NGF: variants seen among roughly 807,000 people sequenced by gnomAD.
The protein encoded by NGF is nerve growth factor.
NGF carries 4 observed loss-of-function variants against 12.8 expected under a neutral mutation model. The ratio of observed to expected loss-of-function variants is 0.31; its 90% CI spans 0.15 to 0.72. NGF has a LOEUF of 0.72. Among genes scored for constraint, NGF ranks in the 30% least tolerant of loss-of-function variants. The pLI is 0.69. For synonymous variants in NGF, 140 were observed against 130.0 expected (o/e 1.08, Z -0.52); for missense variants, 283 against 330.8 (o/e 0.86, Z 1.12).
chr1:115,294,509 C>T (rs889222216), intron 1 of NGF, among the ~76,000 whole-genome samples: 19 of 152,200 alleles, frequency 1.2e-4, no homozygotes, highest in African/African-American at 4.3e-4. Flanking sequence ...CAGCAGTAAA[C>T]AAGACAAACA....
chr1:115,327,443 T>A (rs1424454748), intron 1 of NGF, among the ~76,000 whole-genome samples: 2 of 152,242 alleles, frequency 1.3e-5, no homozygotes, highest in Non-Finnish European at 2.9e-5. Context: ...GCATGAAATC[T>A]GAAGTCAAGC....
At chr1:115,288,183 T>C (rs1454992629) in intron 2 of NGF, among the ~76,000 whole-genome samples, 2 of 152,196 alleles carry the variant, frequency 1.3e-5, no homozygotes, top group Non-Finnish European at 2.9e-5. Context: ...AATAGCGTAA[T>C]TGTATGTGCA....
At chr1:115,293,786 C>T (rs1653779742) in intron 1 of NGF, 36 bp from the exon 2 acceptor site, 1 of 152,724 alleles carries the variant, frequency 6.5e-6, no homozygotes, top group South Asian at 2.1e-4. Flanking sequence ...GACTGTACCT[C>T]ACCACATTCC....
At chr1:115,298,312 T>C (rs894918658) in intron 1 of NGF, among the ~76,000 whole-genome samples, 1 of 151,978 alleles carries the variant, frequency 6.6e-6, no homozygotes, top group Admixed American at 6.5e-5. Flanking sequence ...GTTGATTTTT[T>C]CCCCCCAAAA....
chr1:115,333,179 A>G (rs1654970782), intron 1 of NGF, among the ~76,000 whole-genome samples: 3 of 152,086 alleles, frequency 2.0e-5, no homozygotes, highest in African/African-American at 7.2e-5. Context: ...GACCTATACC[A>G]CCAACTCTGA....
chr1:115,330,257 T>G lies in NGF; in HGVS notation c.-137+7947A>C, dbSNP rs74420468. On this transcript the variant is annotated intron_variant, in intron 1 of 2. Coordinates refer to ENST00000369512, the MANE Select transcript of NGF (RefSeq NM_002506.3). ...AATTACAAATATCTGACAAAGCCATTTGCTTGGAAAAGAGTCAGTCCAGGA... is the reference window on the plus strand; with the variant it reads ...AATTACAAATATCTGACAAAGCCATGTGCTTGGAAAAGAGTCAGTCCAGGA... Among the ~76,000 whole-genome samples, 79 of 152,282 alleles carry G rather than the reference T, an allele frequency of 5.2e-4. 1 individual carries two copies. The East Asian group carries it at 0.015, about 29-fold the overall frequency.
chr1:115,311,881 A>G (rs926102543), intron 1 of NGF, among the ~76,000 whole-genome samples: 3 of 152,208 alleles, frequency 2.0e-5, no homozygotes, highest in Non-Finnish European at 4.4e-5. Flanking sequence ...AGGAAGTTAC[A>G]GTGAAATTGC....
chr1:115,295,165 C>T (rs573352986), intron 1 of NGF, among the ~76,000 whole-genome samples: 4 of 152,286 alleles, frequency 2.6e-5, no homozygotes, highest in South Asian at 2.1e-4. Context: ...AAGCCACCAT[C>T]GCTCCCCAAA....
In NGF at chr1:115,334,350, G is replaced by A. The variant is rs536210575; in HGVS notation, c.-137+3854C>T. Among the ~76,000 whole-genome samples, 16 of 152,284 alleles carry A rather than the reference G, an allele frequency of 1.1e-4. No homozygotes were observed. The East Asian group carries it at 3.1e-3, about 29-fold the overall frequency. On this transcript the variant is annotated intron_variant, in intron 1 of 2. Coordinates refer to ENST00000369512, the MANE Select transcript of NGF (RefSeq NM_002506.3). ...CCTCCCAGTGCTGCAGACTCCACAG[G>A]CATGCAGTCTGCCTGTGTTTTTAAT... is the stretch of plus-strand genomic sequence containing the variant.
intron 1 of NGF, among the ~76,000 whole-genome samples, chr1:115,307,478 G>A (rs1654232435): frequency 6.6e-6 from 1 of 152,202 alleles, no homozygotes; most frequent in Non-Finnish European, 1.5e-5. Flanking sequence ...CTCAGCTCTG[G>A]TGAGGAGGAA....
At chr1:115,312,031 T>G (rs1654347207) in intron 1 of NGF, among the ~76,000 whole-genome samples, 1 of 152,222 alleles carries the variant, frequency 6.6e-6, no homozygotes, top group African/African-American at 2.4e-5. Context: ...TGTTCTCTGA[T>G]TACAAGGTCA....
At chr1:115,334,025 T>A (rs2101058620) in intron 1 of NGF, among the ~76,000 whole-genome samples, 1 of 152,226 alleles carries the variant, frequency 6.6e-6, no homozygotes, top group Non-Finnish European at 1.5e-5. Context: ...ATAGTTCTAT[T>A]TTCTGTCCCC....
At chr1:115,310,167 G>A (rs1228908935) in intron 1 of NGF, among the ~76,000 whole-genome samples, 4 of 152,204 alleles carry the variant, frequency 2.6e-5, no homozygotes, top group Non-Finnish European at 4.4e-5. Flanking sequence ...AGGAGAATAC[G>A]CATGAAATTG....
At chr1:115,290,174 G>A (rs1396397676) in intron 2 of NGF, among the ~76,000 whole-genome samples, 2 of 152,004 alleles carry the variant, frequency 1.3e-5, no homozygotes, top group African/African-American at 4.8e-5. Context: ...CATTCCGAGT[G>A]CACAAAACTC....
chr1:115,298,806 C>T (rs1653950558), intron 1 of NGF, among the ~76,000 whole-genome samples: 1 of 151,808 alleles, frequency 6.6e-6, no homozygotes, highest in African/African-American at 2.4e-5. Flanking sequence ...GCAGCCACAG[C>T]CCCCTTTCTC....
Position 115,328,853 on chromosome 1 carries a change from G to T in NGF, c.-137+9351C>A, listed in dbSNP as rs117474098. Among the ~76,000 whole-genome samples, 293 of 152,282 alleles carry T rather than the reference G, an allele frequency of 1.9e-3. 7 individuals carry two copies. In the East Asian group the frequency reaches 0.05, roughly 26 times the overall value. ...CTGTTATGGTCATGCTTGGGGAAGA[G>T]AATCAAAGAAAGATGGCTTTGCAAG... On this transcript the variant is annotated intron_variant, in intron 1 of 2. Transcript: ENST00000369512.
intron 1 of NGF, among the ~76,000 whole-genome samples, chr1:115,334,567 G>A (rs1436321088): frequency 6.6e-6 from 1 of 152,152 alleles, no homozygotes; most frequent in Non-Finnish European, 1.5e-5. Context: ...GCTGGCTCTT[G>A]GAGGATGAAG....
intron 1 of NGF, among the ~76,000 whole-genome samples, chr1:115,301,845 C>T (rs1654046483): frequency 1.3e-5 from 2 of 152,194 alleles, no homozygotes; most frequent in African/African-American, 2.4e-5. Flanking sequence ...TTAGCTATCA[C>T]GAAAACTTGC....
At chr1:115,307,626 A>G (rs1654236984) in intron 1 of NGF, among the ~76,000 whole-genome samples, 1 of 152,248 alleles carries the variant, frequency 6.6e-6, no homozygotes, top group Admixed American at 6.5e-5. Context: ...AACTCTACCA[A>G]AAGAACCCAG....
Sources: allele counts gnomAD v4.1 joint callset (sites outside exome capture counted in the v4.1 genomes callset), GRCh38; gene constraint gnomAD v4.1.1; transcripts MANE v1.5; gene names NCBI Gene and HGNC (gene_info 2026-07-23, HGNC 2026-07-21).